The following MYH11 variants were observed in gnomAD, a reference collection of about 807,000 sequenced individuals.
MYH11 encodes the protein myosin-11.
A neutral mutation model predicts 246.6 loss-of-function variants in MYH11; 80 were observed. The observed-to-expected ratio is 0.32, with a 90% CI of 0.27 to 0.39. MYH11 has a LOEUF of 0.39. Ranked by LOEUF, MYH11 falls within the 10% of genes least tolerant of loss-of-function variation. The pLI is 1.00. For missense variants in MYH11, 2,158 were observed against 2,546.8 expected, an observed-to-expected ratio of 0.85 and a Z score of 3.29; for synonymous variants, 1,071 against 1,015.5, an observed-to-expected ratio of 1.05 and a Z score of -1.04.
chr16:15,758,693 G>C (rs751738736), intron 12 of MYH11, among the ~76,000 whole-genome samples: 1 of 151,264 alleles, frequency 6.6e-6, no homozygotes, highest in African/African-American at 2.4e-5. Flanking sequence ...CCAGCTACTC[G>C]AGAGGCTGAG....
intron 7 of MYH11, among the ~76,000 whole-genome samples, chr16:15,776,572 A>C (rs1256911055): frequency 6.6e-6 from 1 of 152,182 alleles, no homozygotes; most frequent in Non-Finnish European, 1.5e-5. Context: ...AATGATTGAT[A>C]TAAATTGTCT....
In MYH11 at chr16:15,719,489, G is replaced by T; in HGVS notation, c.5082+96C>A. The stretch of plus-strand genomic sequence containing the variant: ...TCTAGACAGGTGGACCCCAGAGGAG[G>T]ACGAAATGAAATCTGGGAATGCACA... On this transcript the variant is annotated intron_variant, in intron 35 of 40. Transcript: ENST00000300036. 1.3e-5 allele frequency: 21 copies of T among 1,585,148 alleles called. No individual in the cohort carries two copies. In the South Asian group the frequency reaches 2.2e-4, roughly 17 times the overall value.
At chr16:15,815,971 C>T (rs1314098136) in intron 3 of MYH11, among the ~76,000 whole-genome samples, 1 of 152,142 alleles carries the variant, frequency 6.6e-6, no homozygotes, top group East Asian at 1.9e-4. Context: ...TTATAACTTT[C>T]TGAAAACAAC....
chr16:15,728,266 TGTG>T (rs937183241), intron 27 of MYH11, among the ~76,000 whole-genome samples: 1 of 152,150 alleles, frequency 6.6e-6, no homozygotes. Flanking sequence ...ATGTGGTGAC[TGTG>T]GTGGTGGTAG....
At chr16:15,807,486 C>T (rs2043040580) in intron 3 of MYH11, among the ~76,000 whole-genome samples, 2 of 152,048 alleles carry the variant, frequency 1.3e-5, no homozygotes, top group African/African-American at 4.8e-5. Context: ...GCAGAGGTGA[C>T]CACTGAACAG....
At chr16:15,728,776 T>G (rs553237665) in intron 27 of MYH11, among the ~76,000 whole-genome samples, 1 of 152,072 alleles carries the variant, frequency 6.6e-6, no homozygotes, top group Non-Finnish European at 1.5e-5. Flanking sequence ...GGCAGTCACC[T>G]GTAATCCCAG....
Position 15,739,903 on chromosome 16 carries a change from G to C in MYH11, c.2997+148C>G, listed in dbSNP as rs921548187. The stretch of plus-strand genomic sequence containing the variant: ...ATTACAGACACTGGCCACCACACCT[G>C]GCTAATCTTTGTATTTTTAGTAGAG... On this transcript the variant is annotated intron_variant, in intron 23 of 40. Transcript: ENST00000300036. 4 of 834,200 alleles carry C rather than the reference G, an allele frequency of 4.8e-6. No individual in the cohort carries two copies. In the African/African-American group the frequency reaches 6.8e-5, roughly 14 times the overall value. 51.7% of individuals were successfully genotyped at this position (834,200 alleles called of 1,614,324 possible). A position where few individuals can be genotyped will look rare whatever the true frequency, so the allele number is the denominator to read the frequency against.
intron 9 of MYH11, among the ~76,000 whole-genome samples, chr16:15,767,011 C>T (rs1596805180): frequency 6.6e-6 from 1 of 152,076 alleles, no homozygotes; most frequent in African/African-American, 2.4e-5. Context: ...CTCTGAATTT[C>T]CAAATCCTAG....
At chr16:15,718,989 A>G (rs2040320781) in intron 36 of MYH11, 1 of 554,970 alleles carries the variant, frequency 1.8e-6, no homozygotes. Context: ...TTAGCCAGGC[A>G]TGGTGGTACA....
rs868471241 is a variant in MYH11, at chr16:15,719,157, G to A, written c.5171+63C>T. The A allele has an allele frequency of 3.8e-5, 56 of 1,487,176 alleles. 1 individual carries two copies. The Middle Eastern group carries it at 1.5e-3, about 41-fold the overall frequency. 92.1% of individuals were successfully genotyped at this position (1,487,176 alleles called of 1,614,324 possible). Reference sequence around the variant, plus strand: ...AAATTTAAAAAATAAAATGGGGGTCGAGGATGCTGCCTGTCCCCCCATCCT... The same window carrying A: ...AAATTTAAAAAATAAAATGGGGGTCAAGGATGCTGCCTGTCCCCCCATCCT... On this transcript the variant is annotated intron_variant, in intron 36 of 40. Transcript: ENST00000300036.
chr16:15,725,516 G>C (rs914895753), intron 28 of MYH11: 19 of 420,158 alleles, frequency 4.5e-5, no homozygotes, highest in Middle Eastern at 6.1e-4. Flanking sequence ...CGTCCTCTCT[G>C]TATTCTCTGG....
Position 15,740,151 on chromosome 16 carries a change from C to T in MYH11, c.2897G>A (p.Arg966Lys). Residue 966 changes from arginine (R) to lysine (K), a missense_variant, in exon 23 of 41, where the codon AGG becomes AAG. Arg to Lys is a conservative substitution (Grantham distance 26, BLOSUM62 2). This residue lies in a region of MYH11 where 284 missense variants were observed against 315.4 expected (regional missense o/e 0.90). Transcript: ENST00000300036. ...EEQLEEEEAA[R>K]QKLQLEKVTA... Reference sequence around the variant, plus strand: ...GACCTTCTCAAGTTGCAGCTTCTGCCTGGCAGCTTCCTCCTCCTCCAGCTG... The same window carrying T: ...GACCTTCTCAAGTTGCAGCTTCTGCTTGGCAGCTTCCTCCTCCTCCAGCTG... The T allele has an allele frequency of 6.2e-7, 1 of 1,614,222 alleles. No individual in the cohort carries two copies. The highest frequency in any genetic ancestry group is 8.5e-7 in the Non-Finnish European group (1 of 1,180,044).
chr16:15,703,874 C>T lies in MYH11; in HGVS notation c.*117G>A, dbSNP rs757668972. 3 of 1,366,506 alleles carry T rather than the reference C, an allele frequency of 2.2e-6. No individual in the cohort carries two copies. Among genetic ancestry groups the T allele is most frequent in the Non-Finnish European group, 3.1e-6 (3 of 961,498 alleles). The allele number at this position is 1,366,506 out of a possible 1,614,324, so 84.6% of individuals were successfully genotyped here. ...TTTGGAATTTGAGAATGGATTTAGA[C>T]AATGCTAAGTACAGTCTGCTGGGTT... On this transcript the variant is annotated 3_prime_UTR_variant, in exon 41 of 41. Transcript: ENST00000300036.
chr16:15,755,642 T>C (rs1217283303), intron 14 of MYH11, among the ~76,000 whole-genome samples: 1 of 152,064 alleles, frequency 6.6e-6, no homozygotes, highest in Non-Finnish European at 1.5e-5. Flanking sequence ...TTTAAAAATT[T>C]AGCTGGGCGG....
intron 23 of MYH11, 98 bp downstream of exon 23, chr16:15,739,953 G>T: frequency 7.7e-7 from 1 of 1,300,024 alleles, no homozygotes; most frequent in South Asian, 1.2e-5. Context: ...TGTTGGCCAG[G>T]CTAGTCTCAA....
chr16:15,708,619 A>G (rs1055658128), intron 40 of MYH11, among the ~76,000 whole-genome samples: 5 of 152,212 alleles, frequency 3.3e-5, no homozygotes, highest in African/African-American at 1.2e-4. Context: ...GATGAGGTCT[A>G]TTTGTCATCC....
chr16:15,761,765 T>C (rs2041872538), intron 10 of MYH11, among the ~76,000 whole-genome samples: 2 of 152,176 alleles, frequency 1.3e-5, no homozygotes. Flanking sequence ...CCTGAGGTCT[T>C]TCCTTGGCAT....
chr16:15,805,703 G>C (rs2042993841), intron 3 of MYH11, among the ~76,000 whole-genome samples: 1 of 152,014 alleles, frequency 6.6e-6, no homozygotes, highest in Admixed American at 6.6e-5. Flanking sequence ...CTTGAGCCCG[G>C]GAGTCCGAAA....
chr16:15,710,476 G>C (rs555904648), intron 40 of MYH11, among the ~76,000 whole-genome samples: 15 of 152,038 alleles, frequency 9.9e-5, no homozygotes, highest in Admixed American at 5.9e-4. Context: ...AGCCGAGATC[G>C]CGCCACTGCA....
Sources: gnomAD v4.1 joint callset for allele counts (sites outside exome capture counted in the v4.1 genomes callset) on GRCh38, gnomAD v4.1.1 for gene constraint, gnomAD v4.1.1 regional missense constraint, MANE v1.5 for transcripts, NCBI Gene and HGNC (gene_info 2026-07-23, HGNC 2026-07-21) for gene names.